The following RABL3 variants were observed in gnomAD, a reference collection of about 807,000 sequenced individuals.
The protein encoded by RABL3 is RAB, member of RAS oncogene family like 3.
RABL3 carries 31 observed loss-of-function variants against 31.8 expected under a neutral mutation model. The observed-to-expected ratio is 0.97, with a 90% CI of 0.73 to 1.31. RABL3 has a LOEUF of 1.31. RABL3 is among the 40% of genes most tolerant of loss of function. The pLI is 0.00. For missense variants in RABL3, 263 were observed against 279.6 expected, an observed-to-expected ratio of 0.94 and a Z score of 0.42; for synonymous variants, 97 against 99.9, an observed-to-expected ratio of 0.97 and a Z score of 0.18.
chr3:120,719,191 T>C (rs530413611), intron 2 of RABL3, among the ~76,000 whole-genome samples: 1 of 152,198 alleles, frequency 6.6e-6, no homozygotes, highest in Non-Finnish European at 1.5e-5. Context: ...TTTATCAAAA[T>C]TGACCATAAA....
chr3:120,698,103 G>A (rs897654714), intron 5 of RABL3, among the ~76,000 whole-genome samples: 13 of 152,334 alleles, frequency 8.5e-5, no homozygotes, highest in Non-Finnish European at 1.9e-4. Context: ...GGTAGAGGCT[G>A]CAGTGAGCTG....
At chr3:120,704,805 G>A (rs1342972351) in intron 4 of RABL3, among the ~76,000 whole-genome samples, 1 of 152,132 alleles carries the variant, frequency 6.6e-6, no homozygotes, top group Non-Finnish European at 1.5e-5. Flanking sequence ...AGCACTTTGG[G>A]AGGCCAAGGC....
chr3:120,742,327 G>C, intron 1 of RABL3, 135 bp downstream of exon 1: 4 of 807,720 alleles, frequency 5.0e-6, no homozygotes, highest in African/African-American at 1.7e-5. Flanking sequence ...CCCCTGGGAA[G>C]TGTAGTCTTC....
Position 120,728,599 on chromosome 3 carries a change from G to A in RABL3, c.138+2097C>T, listed in dbSNP as rs898974574. Among the ~76,000 whole-genome samples, 53 of 151,980 alleles carry A rather than the reference G, an allele frequency of 3.5e-4. 2 individuals carry two copies. The highest frequency in any genetic ancestry group is 3.1e-3 in the Admixed American group (48 of 15,246). ...AATAGCATTAGGAGATATACCTAAT[G>A]CTAAATGACGAGTTAATGGGTGCAG... On this transcript the variant is annotated intron_variant, in intron 2 of 7. Coordinates refer to ENST00000273375, the MANE Select transcript of RABL3 (RefSeq NM_173825.5).
upstream of RABL3, chr3:120,742,520 T>C: frequency 2.5e-6 from 4 of 1,614,062 alleles, no homozygotes; most frequent in Non-Finnish European, 3.4e-6. Flanking sequence ...TGCCACTGCC[T>C]TCCCTGGGTT....
chr3:120,742,280 G>A (rs550032216), intron 1 of RABL3, among the ~76,000 whole-genome samples, 182 bp downstream of exon 1: 1 of 151,860 alleles, frequency 6.6e-6, no homozygotes, highest in Non-Finnish European at 1.5e-5. Flanking sequence ...CCCGCGCGAC[G>A]ACGCCGCCGC....
At chr3:120,690,092 T>C (rs1159642807) in intron 7 of RABL3, among the ~76,000 whole-genome samples, 1 of 152,140 alleles carries the variant, frequency 6.6e-6, no homozygotes, top group Non-Finnish European at 1.5e-5. Flanking sequence ...AACAAATTGG[T>C]GATAGTGTCA....
chr3:120,733,673 G>T (rs1708916706), intron 1 of RABL3, among the ~76,000 whole-genome samples: 1 of 152,124 alleles, frequency 6.6e-6, no homozygotes, highest in Non-Finnish European at 1.5e-5. Flanking sequence ...TTCTTCTAGG[G>T]TTTTTATGGT....
intron 2 of RABL3, among the ~76,000 whole-genome samples, chr3:120,728,567 G>A (rs1403642434): frequency 6.6e-6 from 1 of 152,110 alleles, no homozygotes; most frequent in Non-Finnish European, 1.5e-5. Flanking sequence ...TGGCTAAAAT[G>A]ACACAAAATA....
At chr3:120,709,309 C>A (rs932720463) in intron 3 of RABL3, among the ~76,000 whole-genome samples, 7 of 151,784 alleles carry the variant, frequency 4.6e-5, no homozygotes, top group Non-Finnish European at 7.4e-5. Context: ...AATTTCTGCA[C>A]CCATAAAGAC....
chr3:120,727,994 C>T lies in RABL3; in HGVS notation c.138+2702G>A, dbSNP rs200191241. 1.1e-4 allele frequency among the ~76,000 whole-genome samples: 17 copies of T among 152,236 alleles called. No homozygotes were observed. The East Asian group carries it at 2.5e-3, about 23-fold the overall frequency. ...AAATACTTTACTAAATAGTGTTATA[C>T]TGAAAATTTCCCATGAGATGGGAAT... On this transcript the variant is annotated intron_variant, in intron 2 of 7. Coordinates refer to ENST00000273375, the MANE Select transcript of RABL3 (RefSeq NM_173825.5).
intron 4 of RABL3, among the ~76,000 whole-genome samples, chr3:120,698,892 T>C (rs1490274660): frequency 1.3e-5 from 2 of 152,234 alleles, no homozygotes; most frequent in Non-Finnish European, 2.9e-5. Flanking sequence ...ACTTCCAATG[T>C]AGCTGTGTCT....
At chr3:120,694,002 T>C in intron 6 of RABL3, 151 bp downstream of exon 6, 1 of 508,402 alleles carries the variant, frequency 2.0e-6, no homozygotes, top group Non-Finnish European at 3.6e-6. Flanking sequence ...CTTGGGCAAT[T>C]ATACCAACAG....
intron 1 of RABL3, among the ~76,000 whole-genome samples, chr3:120,737,792 A>C (rs1446537813): frequency 6.6e-6 from 1 of 152,256 alleles, no homozygotes; most frequent in Non-Finnish European, 1.5e-5. Context: ...GGTCCGCTCC[A>C]GACCCTGTTT....
At chr3:120,727,776 G>T (rs1708839518) in intron 2 of RABL3, among the ~76,000 whole-genome samples, 1 of 152,096 alleles carries the variant, frequency 6.6e-6, no homozygotes, top group Non-Finnish European at 1.5e-5. Flanking sequence ...AGGATTGCAA[G>T]GTTGGTTTAA....
intron 2 of RABL3, among the ~76,000 whole-genome samples, chr3:120,727,215 A>G (rs1708832496): frequency 6.6e-6 from 1 of 152,162 alleles, no homozygotes; most frequent in African/African-American, 2.4e-5. Context: ...GAAAATCAAC[A>G]AGGCAGAAAC....
intron 2 of RABL3, among the ~76,000 whole-genome samples, chr3:120,720,034 C>T (rs1414314250): frequency 3.9e-5 from 6 of 152,310 alleles, no homozygotes; most frequent in South Asian, 2.1e-4. Flanking sequence ...CACCAATATC[C>T]GCCATTCTAT....
chr3:120,742,361 AC>A (rs991507047), intron 1 of RABL3, 100 bp downstream of exon 1: 2 of 1,129,542 alleles, frequency 1.8e-6, no homozygotes, highest in African/African-American at 3.0e-5. Flanking sequence ...GACTTCAGCC[AC>A]GGGCCGAGGA....
At chr3:120,702,503 G>A (rs1276335440) in intron 4 of RABL3, among the ~76,000 whole-genome samples, 2 of 152,042 alleles carry the variant, frequency 1.3e-5, no homozygotes, top group Admixed American at 1.3e-4. Context: ...TTCCTAACAG[G>A]CCATGGACCA....
Sources: allele counts gnomAD v4.1 joint callset (sites outside exome capture counted in the v4.1 genomes callset), GRCh38; gene constraint gnomAD v4.1.1; transcripts MANE v1.5; gene names NCBI Gene and HGNC (gene_info 2026-07-23, HGNC 2026-07-21).